Variants in SOX6 observed in about 807,000 individuals in gnomAD.
SOX6 encodes the protein SRY-box transcription factor 6, also known as transcription factor SOX-6.
Under a neutral mutation model 97.8 loss-of-function variants are expected in SOX6, and 11 were observed. The observed-to-expected ratio is 0.11, with a 90% CI of 0.07 to 0.19. SOX6 has a LOEUF of 0.19. Ranked by LOEUF, SOX6 falls within the 10% of genes least tolerant of loss-of-function variation. The pLI, the probability that SOX6 is intolerant of heterozygous loss-of-function variation, is 1.00. For missense variants in SOX6, 810 were observed against 1,039.5 expected (o/e 0.78, Z 3.04); for synonymous variants, 360 against 371.4 (o/e 0.97, Z 0.35).
At chr11:16,521,062 A>C (rs371434561) in intron 4 of SOX6, among the ~76,000 whole-genome samples, 2 of 152,220 alleles carry the variant, frequency 1.3e-5, no homozygotes, top group Non-Finnish European at 2.9e-5. Context: ...GGCACCGACA[A>C]ACGAAAAGAC....
chr11:16,388,466 T>C (rs1352114525), intron 1 of SOX6, among the ~76,000 whole-genome samples: 1 of 152,144 alleles, frequency 6.6e-6, no homozygotes, highest in Admixed American at 6.5e-5. Context: ...AAAGAGTTTA[T>C]GTAAGAGTGA....
intron 3 of SOX6, among the ~76,000 whole-genome samples, chr11:16,283,571 A>G (rs1565068858): frequency 6.6e-6 from 1 of 151,824 alleles, no homozygotes; most frequent in Non-Finnish European, 1.5e-5. Flanking sequence ...CACTAACATA[A>G]GAAAACCCTT....
chr11:16,256,249 A>C (rs1245055820), intron 3 of SOX6, among the ~76,000 whole-genome samples: 4 of 151,996 alleles, frequency 2.6e-5, no homozygotes, highest in Non-Finnish European at 2.9e-5. Context: ...TATTATAAGA[A>C]AATAAAAACC....
chr11:16,462,817 A>G (rs1394031756), intron 1 of SOX6, among the ~76,000 whole-genome samples: 1 of 152,228 alleles, frequency 6.6e-6, no homozygotes, highest in Non-Finnish European at 1.5e-5. Flanking sequence ...CTGAAAGTCA[A>G]CTTAGCAGCC....
chr11:16,731,950 TAGAC>T (rs1397890533), intron 2 of SOX6, among the ~76,000 whole-genome samples: 4 of 151,148 alleles, frequency 2.6e-5, no homozygotes, highest in African/African-American at 4.8e-5. Context: ...ACACCAATAA[TAGAC>T]AGAGAGCCAA....
intron 3 of SOX6, chr11:16,311,107 T>C (rs1459512049): frequency 1.3e-5 from 2 of 152,068 alleles, no homozygotes; most frequent in African/African-American, 2.4e-5. Context: ...CTTTTCCAAA[T>C]AGCCTGAAAA....
intron 13 of SOX6, among the ~76,000 whole-genome samples, chr11:15,997,607 A>G (rs1175506336): frequency 6.6e-6 from 1 of 152,226 alleles, no homozygotes; most frequent in East Asian, 1.9e-4. Context: ...GATTCAGAAA[A>G]TGGTTTTAAC....
intron 4 of SOX6, among the ~76,000 whole-genome samples, chr11:16,584,513 G>GC (rs1354985130): frequency 1.3e-5 from 2 of 152,048 alleles, no homozygotes; most frequent in African/African-American, 4.8e-5. Flanking sequence ...ACACATAGAT[G>GC]CCCCCACTGC....
At chr11:16,448,153 A>G (rs1859649022) in intron 1 of SOX6, among the ~76,000 whole-genome samples, 2 of 152,210 alleles carry the variant, frequency 1.3e-5, no homozygotes, top group African/African-American at 4.8e-5. Flanking sequence ...GCTTAGAGGA[A>G]GAAGAATCAG....
chr11:15,993,266 A>G (rs181709277), intron 13 of SOX6, among the ~76,000 whole-genome samples: 5 of 152,336 alleles, frequency 3.3e-5, no homozygotes, highest in African/African-American at 1.2e-4. Context: ...AAAAATCAGC[A>G]TATTGTATGA....
chr11:16,310,522 A>C, intron 3 of SOX6, among the ~76,000 whole-genome samples: 1 of 152,098 alleles, frequency 6.6e-6, no homozygotes, highest in Admixed American at 6.6e-5. Flanking sequence ...AACAGGAGCA[A>C]GGACACAAAT....
chr11:16,280,591 A>T (rs566946788), intron 3 of SOX6, among the ~76,000 whole-genome samples: 5 of 152,204 alleles, frequency 3.3e-5, no homozygotes, highest in Admixed American at 3.3e-4. Context: ...GAACAAGCTC[A>T]TTCACCGATT....
At chr11:16,402,900 T>G in intron 1 of SOX6, 1 of 1,488,752 alleles carries the variant, frequency 6.7e-7, no homozygotes, top group South Asian at 1.2e-5. Context: ...AATTCCAGAT[T>G]GTCATAAAAA....
intron 5 of SOX6, among the ~76,000 whole-genome samples, chr11:16,185,895 A>G (rs2134105037): frequency 6.6e-6 from 1 of 152,220 alleles, no homozygotes. Flanking sequence ...AAATCAACAG[A>G]GCATATATTG....
chr11:16,521,509 GAT>G (rs1005429296), intron 4 of SOX6, among the ~76,000 whole-genome samples: 9 of 152,088 alleles, frequency 5.9e-5, no homozygotes, highest in Non-Finnish European at 1.3e-4. Context: ...ACCAAAAGTA[GAT>G]AAAACCACAA....
chr11:16,569,622 C>T (rs1388400419), intron 4 of SOX6, among the ~76,000 whole-genome samples: 3 of 151,974 alleles, frequency 2.0e-5, no homozygotes, highest in Non-Finnish European at 4.4e-5. Context: ...TACCACCTTG[C>T]ATAAATGAGA....
chr11:16,453,816 A>G (rs1025132834), intron 1 of SOX6, among the ~76,000 whole-genome samples: 3 of 152,132 alleles, frequency 2.0e-5, no homozygotes, highest in African/African-American at 7.2e-5. Context: ...GTGTTTCCAA[A>G]TGAGCTCACA....
chr11:16,297,208 G>A (rs370660370), intron 3 of SOX6, among the ~76,000 whole-genome samples: 2 of 152,000 alleles, frequency 1.3e-5, no homozygotes, highest in Admixed American at 1.3e-4. Context: ...AGTTGTGATA[G>A]CTTTGTAATT....
At chr11:16,329,235 A>G (rs1391676040) in intron 2 of SOX6, among the ~76,000 whole-genome samples, 1 of 152,212 alleles carries the variant, frequency 6.6e-6, no homozygotes, top group Non-Finnish European at 1.5e-5. Flanking sequence ...CAGAAAAAAA[A>G]TAACAAACCC....
Sources: allele counts gnomAD v4.1 joint callset (sites outside exome capture counted in the v4.1 genomes callset), GRCh38; gene constraint gnomAD v4.1.1; transcripts MANE v1.5; gene names NCBI Gene and HGNC (gene_info 2026-07-23, HGNC 2026-07-21).